The following TAF1C variants were observed in gnomAD, a reference collection of about 807,000 sequenced individuals.
The protein encoded by TAF1C is TATA box-binding protein-associated factor RNA polymerase I subunit C.
In TAF1C, 79 loss-of-function variants were observed where a neutral mutation model predicts 70.5. The observed-to-expected ratio is 1.12, with a 90% CI of 0.93 to 1.35. TAF1C has a LOEUF of 1.35. Ranked by LOEUF, TAF1C falls within the 40% of genes most tolerant of loss-of-function variation. The pLI is 0.00. For synonymous variants in TAF1C, 614 were observed against 491.1 expected (o/e 1.25, Z -3.31); for missense variants, 1,412 against 1,127.8 (o/e 1.25, Z -3.61).
chr16:84,179,186 G>T lies in TAF1C; in HGVS notation c.2287C>A (p.Pro763Thr). 6.3e-7 allele frequency: 1 copy of T among 1,591,482 alleles called. No individual in the cohort carries two copies. Among genetic ancestry groups the T allele is most frequent in the East Asian group, 2.2e-5 (1 of 44,454 alleles). Residue 763 changes from proline to threonine, a missense_variant, in exon 15 of 15, where the codon CCC becomes ACC. Pro to Thr is a conservative substitution (Grantham distance 38). Coordinates refer to ENST00000566732, the MANE Select transcript of TAF1C (RefSeq NM_001243156.2). ...TCCTGGGAGGGCGGGGTCGTGGGGG[G>T]CAGGGGCAGAGCATCAGCAGGTGGC... Reference protein sequence around the residue: ...EWPPADALPLPPTTPPSQELT... With the variant: ...EWPPADALPLTPTTPPSQELT...
chr16:84,181,450 A>G lies in TAF1C; in HGVS notation c.1042T>C (p.Tyr348His). 4 of 1,613,772 alleles carry G rather than the reference A, an allele frequency of 2.5e-6. No homozygotes were observed. The highest frequency in any genetic ancestry group is 3.4e-6 in the Non-Finnish European group (4 of 1,179,978). ...WSPEDGLRQI[Y>H]RDPETLVFRD... is the part of the protein sequence containing the mutation. Reference sequence around the variant, plus strand: ...AACACGAGGGTCTCAGGGTCCCTGTAGATTTGCCGCAGCCTTGGGGAGACA... The same window carrying G: ...AACACGAGGGTCTCAGGGTCCCTGTGGATTTGCCGCAGCCTTGGGGAGACA... Residue 348 changes from tyrosine to histidine, a missense_variant, in exon 11 of 15, where the codon TAC becomes CAC. Transcript: ENST00000566732.
At position 84,178,779 on chromosome 16, in the gene TAF1C, C is replaced by T; in HGVS notation, c.*162G>A. On this transcript the variant is annotated 3_prime_UTR_variant, in exon 15 of 15. Transcript: ENST00000566732. Reference sequence around the variant, plus strand: ...AGAAACTACTACTGTATTTTGTTGCCCTGTCCCTTCAACTTGGCTCCAAAT... The same window carrying T: ...AGAAACTACTACTGTATTTTGTTGCTCTGTCCCTTCAACTTGGCTCCAAAT... The T allele has an allele frequency of 1.4e-6, 1 of 694,168 alleles. No homozygotes were observed. The highest frequency in any genetic ancestry group is 2.4e-6 in the Non-Finnish European group (1 of 423,368). The allele number at this position is 694,168 out of a possible 1,614,324, so 43.0% of individuals were successfully genotyped here.
chr16:84,181,466 T>C lies in TAF1C; in HGVS notation c.1029-3A>G. 6.2e-7 allele frequency: 1 copy of C among 1,613,318 alleles called. No homozygotes were observed. Among genetic ancestry groups the C allele is most frequent in the Non-Finnish European group, 8.5e-7 (1 of 1,179,886 alleles). ...GGTCCCTGTAGATTTGCCGCAGCCT[T>C]GGGGAGACAGGCAAGCCGTGGGCAG... On this transcript the variant is annotated splice_region_variant and splice_polypyrimidine_tract_variant and intron_variant, in intron 10 of 14. Transcript: ENST00000566732.
rs1344537112 is a variant in TAF1C at position 84,182,988 on chromosome 16, C to T, written c.482+88G>A. On this transcript the variant is annotated intron_variant, in intron 6 of 14. Transcript: ENST00000566732. This position sits in a 1 kb window ranked among gnomAD's most constrained non-coding sequence, Gnocchi z 5.0. ...TGGAGCAGGGGGGAAGTGGGTATGA[C>T]GGAAAGCTGTACGTGCGTCCTAGCA... 61 of 1,375,450 alleles carry T rather than the reference C, an allele frequency of 4.4e-5. No individual in the cohort carries two copies. Among genetic ancestry groups the T allele is most frequent in the African/African-American group, 7.1e-5 (5 of 70,204 alleles). The allele number at this position is 1,375,450 out of a possible 1,614,324, so 85.2% of individuals were successfully genotyped here.
rs1198852478 is a variant in TAF1C, at chr16:84,185,076, T to A, written c.-72-16A>T. Reference sequence around the variant, plus strand: ...GCCAGAGTTCCTGAGGAGTGAAAAGTGCACTACGGGAAGCATATGTTCTTT... The same window carrying A: ...GCCAGAGTTCCTGAGGAGTGAAAAGAGCACTACGGGAAGCATATGTTCTTT... On this transcript the variant is annotated splice_polypyrimidine_tract_variant and intron_variant, in intron 1 of 14. Transcript: ENST00000566732. The A allele has an allele frequency of 1.4e-6, 2 of 1,474,598 alleles. No homozygotes were observed. Among genetic ancestry groups the A allele is most frequent in the Non-Finnish European group, 1.8e-6 (2 of 1,095,606 alleles). 91.3% of individuals were successfully genotyped at this position (1,474,598 alleles called of 1,614,324 possible).
rs1356794764 is a variant in TAF1C at position 84,179,983 on chromosome 16, C to G, written c.1584G>C (p.Gln528His). The change falls in exon 14 of 15, where the codon CAG becomes CAC. Residue 528 changes from glutamine (Q) to histidine (H), a missense_variant. Physicochemically the swap from Gln to His is conservative, Grantham distance 24. Transcript: ENST00000566732. ...PAFPLLEPKI[Q>H]WRLQERLKAP... ...CTTTCAGGCGCTCCTGCAGCCGCCA[C>G]TGGATCTTAGGCTCCAGCAGAGGAA... 2 of 1,612,438 alleles carry G rather than the reference C, an allele frequency of 1.2e-6. No homozygotes were observed. Among genetic ancestry groups the G allele is most frequent in the South Asian group, 2.2e-5 (2 of 91,084 alleles).
Position 84,179,935 on chromosome 16 carries a change from A to AT in TAF1C, c.1621+10_1621+11insA. 4 of 1,611,484 alleles carry AT rather than the reference A, an allele frequency of 2.5e-6. No homozygotes were observed. The highest frequency in any genetic ancestry group is 3.4e-6 in the Non-Finnish European group (4 of 1,179,554). ...CTGCGCCCCCCAAGCTCACTCCCCCACCCAGCACACCTATGGTCGGTGCTT... is the reference window on the plus strand; with the variant it reads ...CTGCGCCCCCCAAGCTCACTCCCCCATCCCAGCACACCTATGGTCGGTGCTT... On this transcript the variant is annotated intron_variant, in intron 14 of 14. Transcript: ENST00000566732.
rs2088839550 is a variant in TAF1C, at chr16:84,178,052, T to C, written c.*889A>G. On this transcript the variant is annotated 3_prime_UTR_variant, in exon 15 of 15. Transcript: ENST00000566732. Reference sequence around the variant, plus strand: ...CAGACAGACCCGGGTCCCTGCAAAATCTCAAGTGAGCATTTTCCCCACAGG... The same window carrying C: ...CAGACAGACCCGGGTCCCTGCAAAACCTCAAGTGAGCATTTTCCCCACAGG... 3.6e-6 allele frequency: 2 copies of C among 550,484 alleles called. No homozygotes were observed. 34.1% of individuals were successfully genotyped at this position (550,484 alleles called of 1,614,324 possible).
In TAF1C at chr16:84,181,846, A is replaced by G; in HGVS notation, c.856T>C (p.Ser286Pro). 1 of 1,614,116 alleles carries G rather than the reference A, an allele frequency of 6.2e-7. No homozygotes were observed. The highest frequency in any genetic ancestry group is 8.5e-7 in the Non-Finnish European group (1 of 1,180,018). ...TTCCACACGGCACAGTGGTAGTCAG[A>G]GCGGACGGCCAGCAGAGCTGAGGAG... ...VQGETLLAVR[S>P]DYHCAVWKFG... Residue 286 changes from serine to proline, a missense_variant, in exon 9 of 15, where the codon TCT (serine) becomes CCT (proline). Coordinates refer to ENST00000566732, the MANE Select transcript of TAF1C (RefSeq NM_001243156.2).
rs776921037 is a variant in TAF1C, at chr16:84,179,929, T to G, written c.1621+17A>C. On this transcript the variant is annotated intron_variant, in intron 14 of 14. Transcript: ENST00000566732. The stretch of plus-strand genomic sequence containing the variant: ...TTTCCACTGCGCCCCCCAAGCTCAC[T>G]CCCCCACCCAGCACACCTATGGTCG... 6.3e-7 allele frequency: 1 copy of G among 1,594,188 alleles called. No homozygotes were observed. Among genetic ancestry groups the G allele is most frequent in the South Asian group, 1.1e-5 (1 of 90,466 alleles).
At chr16:84,180,457 G>A (rs959779808) in intron 12 of TAF1C, 113 bp from the exon 13 acceptor site, 7 of 1,123,810 alleles carry the variant, frequency 6.2e-6, no homozygotes, top group Non-Finnish European at 8.6e-6. Flanking sequence ...AGGGGCAGCA[G>A]CATCTCCCAT....
chr16:84,183,292 C>T lies in TAF1C; in HGVS notation c.360G>A (p.Ala120=), dbSNP rs756147045. ...FLLDHGDVAF[A]PLGKLMLENF... ...TCTCCAGCATCAGCTTCCCCAGGGG[C>T]GCAAAGGCTACGTCTCCATGATCCA... The change falls in exon 5 of 15, where the codon GCG becomes GCA. Residue 120 remains alanine, a synonymous_variant. Transcript: ENST00000566732. 19 of 1,613,884 alleles carry T rather than the reference C, an allele frequency of 1.2e-5. No individual in the cohort carries two copies. The highest frequency in any genetic ancestry group is 8.3e-5 in the Admixed American group (5 of 60,000).
rs1490313644 is a variant in TAF1C, at chr16:84,182,173, G to A, written c.721+29C>T. On this transcript the variant is annotated intron_variant, in intron 7 of 14. Transcript: ENST00000566732. The surrounding 1 kb of genome is among the most constrained non-coding windows in gnomAD (Gnocchi z 5.0). ...CTCCTCTACCAGAGGCGAGCCCGCT[G>A]GAATCTCCTGTCTCGCAAGAAAGGA... The A allele has an allele frequency of 1.3e-6, 2 of 1,597,676 alleles. No individual in the cohort carries two copies. The highest frequency in any genetic ancestry group is 3.4e-5 in the Admixed American group (2 of 59,026).
Position 84,181,441 on chromosome 16 carries a change from G to T in TAF1C, c.1051C>A (p.Pro351Thr), listed in dbSNP as rs745713882. The change falls in exon 11 of 15, where the codon CCT (proline) becomes ACT (threonine). Residue 351 changes from proline to threonine, a missense_variant. Coordinates refer to ENST00000566732, the MANE Select transcript of TAF1C (RefSeq NM_001243156.2). ...GAGTCCCGGAACACGAGGGTCTCAG[G>T]GTCCCTGTAGATTTGCCGCAGCCTT... is the stretch of plus-strand genomic sequence containing the variant. ...EDGLRQIYRD[P>T]ETLVFRDSSS... is the part of the protein sequence containing the mutation. 1 of 1,613,820 alleles carries T rather than the reference G, an allele frequency of 6.2e-7. No homozygotes were observed. The highest frequency in any genetic ancestry group is 1.1e-5 in the South Asian group (1 of 91,080).
chr16:84,181,162 G>C lies in TAF1C; in HGVS notation c.1189C>G (p.Leu397Val). 1 of 1,610,730 alleles carries C rather than the reference G, an allele frequency of 6.2e-7. No individual in the cohort carries two copies. Among genetic ancestry groups the C allele is most frequent in the Non-Finnish European group, 8.5e-7 (1 of 1,177,290 alleles). ...TQGPPGCGLL[L>V]FRLGAEASCQ... ...GAAGCCTCTGCCCCCAAACGAAAAA[G>C]CAACAGACCACAGCCCGGCGGGCCC... The change falls in exon 12 of 15, where the codon CTT becomes GTT. Residue 397 changes from leucine to valine, a missense_variant. Transcript: ENST00000566732.
rs759298067 is a variant in TAF1C, at chr16:84,179,534, C to T, written c.1939G>A (p.Glu647Lys). The change falls in exon 15 of 15, where the codon GAA (glutamate) becomes AAA (lysine). Residue 647 changes from glutamate (E) to lysine (K), a missense_variant. By Grantham distance (56) the Glu-to-Lys change is moderately conservative. Coordinates refer to ENST00000566732, the MANE Select transcript of TAF1C (RefSeq NM_001243156.2). ...MLGSTELRRE[E>K]EEGQRLGVLR... is the part of the protein sequence containing the mutation. ...ACACCCAGCCGCTGCCCTTCCTCTTCCTCCCTCCGCAGCTCTGTGCTGCCC... is the reference window on the plus strand; with the variant it reads ...ACACCCAGCCGCTGCCCTTCCTCTTTCTCCCTCCGCAGCTCTGTGCTGCCC... 2 of 1,607,832 alleles carry T rather than the reference C, an allele frequency of 1.2e-6. No homozygotes were observed. Among genetic ancestry groups the T allele is most frequent in the South Asian group, 1.1e-5 (1 of 91,026 alleles).
rs61730059 is a variant in TAF1C at position 84,181,112 on chromosome 16, C to G, written c.1239G>C (p.Leu413=). ...EASCQKGERV[L]LTQYLGHSSP... is the part of the protein sequence containing the mutation. ...TGGAGTGCCCCAGGTACTGGGTAAG[C>G]AGGACACGTTCCCCTTTCTGGCACG... The change falls in exon 12 of 15, where the codon CTG becomes CTC. Residue 413 remains leucine, a synonymous_variant. Transcript: ENST00000566732. The G allele has an allele frequency of 2.2e-4, 351 of 1,613,198 alleles. 1 individual carries two copies. Among genetic ancestry groups the G allele is most frequent in the Admixed American group, 1.6e-3 (96 of 59,980 alleles).
At chr16:84,183,004 C>T (rs773976890) in intron 6 of TAF1C, 72 bp downstream of exon 6, 74 of 1,498,992 alleles carry the variant, frequency 4.9e-5, no homozygotes, top group South Asian at 7.9e-5. Flanking sequence ...GCTGTACGTG[C>T]GTCCTAGCAC....
chr16:84,179,164 TGGGAGGGC>T lies in TAF1C; in HGVS notation c.2301_2308del (p.Pro768GlyfsTer21). The T allele has an allele frequency of 6.2e-7, 1 of 1,602,294 alleles. No homozygotes were observed. The highest frequency in any genetic ancestry group is 8.5e-7 in the Non-Finnish European group (1 of 1,178,328). Reference sequence around the variant, plus strand: ...GGCGCATGCATCCGGAGTCAACTCCTGGGAGGGCGGGGTCGTGGGGGGCAGGGGCAGAG... The same window carrying T: ...GGCGCATGCATCCGGAGTCAACTCCTGGGGTCGTGGGGGGCAGGGGCAGAG... On this transcript the variant is annotated frameshift_variant, in exon 15 of 15. Coordinates refer to ENST00000566732, the MANE Select transcript of TAF1C (RefSeq NM_001243156.2). LOFTEE classifies it low-confidence loss of function (END_TRUNC).
Sources: gnomAD v4.1 joint callset for allele counts on GRCh38, gnomAD v4.1.1 for gene constraint, Gnocchi (gnomAD v3.1) non-coding constraint, MANE v1.5 for transcripts, NCBI Gene and HGNC (gene_info 2026-07-23, HGNC 2026-07-21) for gene names.